The following PTPRS variants were observed in gnomAD, a reference collection of about 807,000 sequenced individuals.
PTPRS encodes the protein receptor-type tyrosine-protein phosphatase S.
In PTPRS, 63 loss-of-function variants were observed where a neutral mutation model predicts 215.3. That is an observed-to-expected ratio of 0.29 (90% confidence interval 0.24 to 0.36). The LOEUF (loss-of-function observed/expected upper bound fraction) is 0.36. Among genes scored for constraint, PTPRS ranks in the 10% least tolerant of loss-of-function variants. The pLI, the probability that PTPRS is intolerant of heterozygous loss-of-function variation, is 1.00. For missense variants in PTPRS, 2,258 were observed against 2,825.8 expected, an observed-to-expected ratio of 0.80 and a Z score of 4.56; for synonymous variants, 1,404 against 1,191.4, an observed-to-expected ratio of 1.18 and a Z score of -3.68.
At chr19:5,335,259 C>T (rs1006710390) in intron 1 of PTPRS, among the ~76,000 whole-genome samples, 3 of 152,212 alleles carry the variant, frequency 2.0e-5, no homozygotes, top group Non-Finnish European at 2.9e-5. Context: ...CGTTGAGAGC[C>T]AGGGGAGGCA....
intron 1 of PTPRS, among the ~76,000 whole-genome samples, chr19:5,319,465 T>TC (rs2049968497): frequency 6.7e-6 from 1 of 148,868 alleles, no homozygotes; most frequent in African/African-American, 2.5e-5. Flanking sequence ...TTGCTTCTTC[T>TC]CCCCACCACC....
intron 9 of PTPRS, among the ~76,000 whole-genome samples, chr19:5,247,836 G>A (rs974950011): frequency 2.6e-5 from 4 of 151,966 alleles, no homozygotes; most frequent in South Asian, 2.1e-4. Context: ...CAAAGAGAAG[G>A]GGGGACGTCG....
chr19:5,325,872 C>T (rs1005956496), intron 1 of PTPRS, among the ~76,000 whole-genome samples: 16 of 152,336 alleles, frequency 1.1e-4, no homozygotes, highest in African/African-American at 3.8e-4. Flanking sequence ...AAATTCAGGC[C>T]GAAGGCAGAA....
intron 1 of PTPRS, among the ~76,000 whole-genome samples, chr19:5,331,563 C>T (rs2050326268): frequency 6.6e-6 from 1 of 152,142 alleles, no homozygotes; most frequent in African/African-American, 2.4e-5. Context: ...CAGCAGCACC[C>T]CCCTGGACAT....
chr19:5,306,459 T>A (rs1486703985), intron 1 of PTPRS, among the ~76,000 whole-genome samples: 1 of 152,138 alleles, frequency 6.6e-6, no homozygotes, highest in Non-Finnish European at 1.5e-5. Context: ...GTGATTTTTT[T>A]TTTGTATGTG....
At chr19:5,283,733 T>G (rs1217758601) in intron 2 of PTPRS, among the ~76,000 whole-genome samples, 1 of 152,126 alleles carries the variant, frequency 6.6e-6, no homozygotes. Context: ...TGAGGGAGTG[T>G]GGTCATTGGG....
chr19:5,252,685 C>G (rs1037060590), intron 9 of PTPRS, among the ~76,000 whole-genome samples: 5 of 151,030 alleles, frequency 3.3e-5, no homozygotes, highest in Admixed American at 6.6e-5. Flanking sequence ...ACCAGCCTGG[C>G]CAACATGGCA....
chr19:5,216,733 C>G lies in PTPRS; in HGVS notation c.4083G>C (p.Gly1361=). 6.3e-7 allele frequency: 1 copy of G among 1,576,632 alleles called. No individual in the cohort carries two copies. Among genetic ancestry groups the G allele is most frequent in the Non-Finnish European group, 8.6e-7 (1 of 1,159,956 alleles). ...ACAAGAACTAACTTTCAAAGTGAAA[C>G]CCCGGCTCCCTGAGGGGGCTCCTGA... ...SGLRSPLREP[G]FHFESMLSHP... The change falls in exon 26 of 38, where the codon GGG becomes GGC. Residue 1361 remains glycine (G), a synonymous_variant. Coordinates refer to ENST00000262963, the MANE Select transcript of PTPRS (RefSeq NM_002850.4).
At chr19:5,289,209 C>T (rs1228899547) in intron 1 of PTPRS, among the ~76,000 whole-genome samples, 1 of 152,146 alleles carries the variant, frequency 6.6e-6, no homozygotes, top group Non-Finnish European at 1.5e-5. Flanking sequence ...TCCACGAAAA[C>T]CCCAGGCGTG....
At chr19:5,213,923 T>C (rs1442016399) in intron 30 of PTPRS, among the ~76,000 whole-genome samples, 1 of 152,132 alleles carries the variant, frequency 6.6e-6, no homozygotes, top group African/African-American at 2.4e-5. Flanking sequence ...TAAATACATA[T>C]CTAAAAGATC....
At chr19:5,225,984 GACC>G in intron 16 of PTPRS, 140 bp from the exon 17 acceptor site, 1 of 684,296 alleles carries the variant, frequency 1.5e-6, no homozygotes, top group South Asian at 1.7e-5. Flanking sequence ...CTCATGCAGA[GACC>G]ACGACACGTG....
intron 14 of PTPRS, among the ~76,000 whole-genome samples, chr19:5,230,472 T>C (rs1226685112): frequency 2.6e-5 from 4 of 152,112 alleles, no homozygotes; most frequent in Admixed American, 2.6e-4. Context: ...TAATACGTTT[T>C]TGTAGAGATG....
At chr19:5,320,267 A>C (rs1041017802) in intron 1 of PTPRS, among the ~76,000 whole-genome samples, 3 of 152,164 alleles carry the variant, frequency 2.0e-5, no homozygotes, top group African/African-American at 7.2e-5. Flanking sequence ...TTGGCTGGAC[A>C]GGTCCCTCCG....
Position 5,222,871 on chromosome 19 carries a change from G to A in PTPRS, c.2921C>T (p.Ala974Val), listed in dbSNP as rs1369997087. 7 of 1,583,678 alleles carry A rather than the reference G, an allele frequency of 4.4e-6. No homozygotes were observed. Among genetic ancestry groups the A allele is most frequent in the African/African-American group, 2.7e-5 (2 of 73,946 alleles). ...KYTVAVREAGALGPARETELP... is the reference protein window; with the variant it reads ...KYTVAVREAGVLGPARETELP... ...CTCAGTCTCTCGGGCAGGGCCCAGG[G>A]CACCGGCCTCCCGCACGGCCACCGT... Residue 974 changes from alanine (A) to valine (V), a missense_variant, in exon 18 of 38, where the codon GCC becomes GTC. Ala to Val is a moderately conservative substitution (Grantham distance 64, BLOSUM62 0). Around this residue, in one of 6 missense-constraint regions of PTPRS, gnomAD observed 361 missense variants for 332.6 expected, o/e 1.09. Coordinates refer to ENST00000262963, the MANE Select transcript of PTPRS (RefSeq NM_002850.4).
At chr19:5,216,569 GC>G in intron 26 of PTPRS, 150 bp downstream of exon 26, 1 of 690,832 alleles carries the variant, frequency 1.4e-6, no homozygotes, top group Non-Finnish European at 2.5e-6. Flanking sequence ...CCAACCCCCT[GC>G]CCTCTTCCAG....
intron 16 of PTPRS, among the ~76,000 whole-genome samples, 172 bp downstream of exon 16, chr19:5,229,144 A>G (rs2042779362): frequency 6.6e-6 from 1 of 152,202 alleles, no homozygotes; most frequent in Non-Finnish European, 1.5e-5. Context: ...TCCCTGGTGC[A>G]AACATCGAGG....
intron 18 of PTPRS, 91 bp from the exon 19 acceptor site, chr19:5,222,311 C>A (rs889465026): frequency 1.9e-6 from 2 of 1,078,758 alleles, no homozygotes; most frequent in Non-Finnish European, 2.8e-6. Context: ...TGGGGTGGGG[C>A]GGCCCAGGCG....
In PTPRS at chr19:5,330,233, C is replaced by T. The variant is rs78987103; in HGVS notation, c.-95+10431G>A. 2.9e-4 allele frequency among the ~76,000 whole-genome samples: 44 copies of T among 152,250 alleles called. 1 individual carries two copies. The East Asian group carries it at 8.3e-3, about 29-fold the overall frequency. ...GCCTCCAGGAGTGTAGAAACGACAT[C>T]CTGTCCAGAAACAACGCCTCTGTAA... On this transcript the variant is annotated intron_variant, in intron 1 of 37. Transcript: ENST00000262963.
At chr19:5,233,227 A>C (rs984940759) in intron 13 of PTPRS, among the ~76,000 whole-genome samples, 1 of 152,030 alleles carries the variant, frequency 6.6e-6, no homozygotes, top group Non-Finnish European at 1.5e-5. Context: ...GGGGAACAGC[A>C]ACAGAGCTCT....
Sources: allele counts gnomAD v4.1 joint callset (sites outside exome capture counted in the v4.1 genomes callset), GRCh38; gene constraint gnomAD v4.1.1; regional missense constraint gnomAD v4.1.1; transcripts MANE v1.5; gene names NCBI Gene and HGNC (gene_info 2026-07-23, HGNC 2026-07-21).